The following SMARCC1 variants were observed in gnomAD, a reference collection of about 807,000 sequenced individuals.
SMARCC1 encodes the protein SWI/SNF related BAF chromatin remodeling complex subunit C1.
SMARCC1 carries 43 observed loss-of-function variants against 147.4 expected under a neutral mutation model. The observed-to-expected ratio is 0.29, with a 90% CI of 0.23 to 0.38. SMARCC1 has a LOEUF of 0.38. SMARCC1 is among the 10% of genes least tolerant of loss of function. The pLI is 1.00. For synonymous variants in SMARCC1, 495 were observed against 484.4 expected (o/e 1.02, Z -0.29); for missense variants, 1,119 against 1,381.1 (o/e 0.81, Z 3.01).
intron 16 of SMARCC1, among the ~76,000 whole-genome samples, chr3:47,677,897 T>A (rs1186672203): frequency 6.6e-6 from 1 of 152,018 alleles, no homozygotes; most frequent in African/African-American, 2.4e-5. Flanking sequence ...ATGCCTGCAA[T>A]CACAATACTT....
chr3:47,765,807 A>G (rs1048415669), intron 2 of SMARCC1, among the ~76,000 whole-genome samples: 1 of 150,634 alleles, frequency 6.6e-6, no homozygotes. Context: ...ATCTTGGCTC[A>G]CTGCAACCTC....
intron 26 of SMARCC1, among the ~76,000 whole-genome samples, chr3:47,592,190 G>C (rs1311324260): frequency 1.3e-5 from 2 of 152,148 alleles, no homozygotes; most frequent in African/African-American, 4.8e-5. Context: ...TGAGCCTTCT[G>C]ACCCTTTAGA....
At chr3:47,598,862 G>GACACACACACACAC (rs113400730) in intron 26 of SMARCC1, among the ~76,000 whole-genome samples, 5 of 128,124 alleles carry the variant, frequency 3.9e-5, no homozygotes, top group African/African-American at 1.6e-4. Flanking sequence ...GAGAGAGAGA[G>GACACACACACACAC]ACACACACAC....
chr3:47,658,539 T>G (rs1006907121), intron 21 of SMARCC1, among the ~76,000 whole-genome samples: 2 of 152,244 alleles, frequency 1.3e-5, no homozygotes, highest in African/African-American at 2.4e-5. Flanking sequence ...TTGGCTATTT[T>G]CACTGGCTTT....
intron 19 of SMARCC1, among the ~76,000 whole-genome samples, chr3:47,669,616 A>G (rs543127772): frequency 3.9e-5 from 6 of 152,130 alleles, no homozygotes; most frequent in Non-Finnish European, 7.4e-5. Context: ...TGGGCATATG[A>G]GAATATATTA....
At chr3:47,761,253 G>A (rs1001048841) in intron 2 of SMARCC1, among the ~76,000 whole-genome samples, 3 of 152,034 alleles carry the variant, frequency 2.0e-5, no homozygotes, top group African/African-American at 7.2e-5. Context: ...AGTGAGCTAT[G>A]ACCATACCAC....
rs548781564 is a variant in SMARCC1, at chr3:47,771,648, G to C, written c.315+1169C>G. On this transcript the variant is annotated intron_variant, in intron 2 of 27. Transcript: ENST00000254480. ...AGTCCCAGCTACTCAGGAGGCTGAG[G>C]CAGGAGAATCGCTTGAACCCGGGAG... Among the ~76,000 whole-genome samples the C allele has an allele frequency of 1.8e-4, 27 of 152,232 alleles. No individual in the cohort carries two copies. The South Asian group carries it at 5.6e-3, about 32-fold the overall frequency.
intron 13 of SMARCC1, among the ~76,000 whole-genome samples, chr3:47,686,570 C>T (rs1164851820): frequency 6.6e-6 from 1 of 152,060 alleles, no homozygotes; most frequent in East Asian, 1.9e-4. Context: ...ACTTGATACA[C>T]ATTTTTATTG....
At position 47,675,599 on chromosome 3, in the gene SMARCC1, TA is replaced by T. The variant is rs759413387; in HGVS notation, c.1726-12del. 1 of 1,350,258 alleles carries T rather than the reference TA, an allele frequency of 7.4e-7. No homozygotes were observed. Among genetic ancestry groups the T allele is most frequent in the Admixed American group, 1.7e-5 (1 of 59,532 alleles). 83.6% of individuals were successfully genotyped at this position (1,350,258 alleles called of 1,614,324 possible). On this transcript the variant is annotated splice_polypyrimidine_tract_variant and intron_variant, in intron 17 of 27. Transcript: ENST00000254480. The stretch of plus-strand genomic sequence containing the variant: ...TTGAGCAGCAGGAACCTGAGTCAAA[TA>T]AATGATAAATGGCTGAGTTAGCCTC...
At chr3:47,638,679 G>A in intron 22 of SMARCC1, 46 bp downstream of exon 22, 3 of 1,417,624 alleles carry the variant, frequency 2.1e-6, no homozygotes, top group Non-Finnish European at 3.0e-6. Flanking sequence ...AACCATTATG[G>A]TCTGAAAGGC....
intron 2 of SMARCC1, among the ~76,000 whole-genome samples, chr3:47,746,717 A>C (rs1359283960): frequency 6.8e-6 from 1 of 146,488 alleles, no homozygotes; most frequent in African/African-American, 2.5e-5. Context: ...GCAGTGGCTC[A>C]CATCAGTAAT....
In SMARCC1 at chr3:47,610,102, G is replaced by A; in HGVS notation, c.3007C>T (p.His1003Tyr). Residue 1003 changes from histidine to tyrosine, a missense_variant, in exon 26 of 28, where the codon CAC becomes TAC. Physicochemically the swap from His to Tyr is moderately conservative, Grantham distance 83. Around this residue, in one of 6 missense-constraint regions of SMARCC1, gnomAD observed 186 missense variants for 216.5 expected, o/e 0.86. Coordinates refer to ENST00000254480, the MANE Select transcript of SMARCC1 (RefSeq NM_003074.4). ...HQQPPPYPLM[H>Y]HQMPPPHPPQ... The stretch of plus-strand genomic sequence containing the variant: ...GGATGAGGTGGTGGCATCTGGTGGT[G>A]CATCAGAGGGTAGGGAGGGGGCTGT... The A allele has an allele frequency of 1.2e-6, 2 of 1,613,046 alleles. No individual in the cohort carries two copies. The highest frequency in any genetic ancestry group is 1.7e-6 in the Non-Finnish European group (2 of 1,180,010).
At chr3:47,766,495 A>G (rs1031515879) in intron 2 of SMARCC1, among the ~76,000 whole-genome samples, 3 of 152,052 alleles carry the variant, frequency 2.0e-5, no homozygotes, top group African/African-American at 7.2e-5. Flanking sequence ...CTGAGTCTGG[A>G]AAGTCATGGT....
intron 14 of SMARCC1, among the ~76,000 whole-genome samples, chr3:47,682,587 C>T (rs1278536634): frequency 1.3e-5 from 2 of 152,082 alleles, no homozygotes; most frequent in South Asian, 2.1e-4. Context: ...AAAAGAATGC[C>T]GGTTTCTCAT....
In SMARCC1 at chr3:47,604,422, A is replaced by G. The variant is rs180726364; in HGVS notation, c.3043+5644T>C. The G allele has an allele frequency of 8.0e-4, 314 of 394,346 alleles. 2 individuals carry two copies. Among genetic ancestry groups the G allele is most frequent in the African/African-American group, 5.7e-3 (274 of 47,928 alleles). 24.4% of individuals were successfully genotyped at this position (394,346 alleles called of 1,614,324 possible). Reference sequence around the variant, plus strand: ...TACCAAAGACAGCCAACTGACCCAGATAATCTTCAGCTCCCAATGTAAGCT... The same window carrying G: ...TACCAAAGACAGCCAACTGACCCAGGTAATCTTCAGCTCCCAATGTAAGCT... On this transcript the variant is annotated intron_variant, in intron 26 of 27. Coordinates refer to ENST00000254480, the MANE Select transcript of SMARCC1 (RefSeq NM_003074.4).
chr3:47,590,519 C>T, intron 27 of SMARCC1, 142 bp downstream of exon 27: 1 of 619,216 alleles, frequency 1.6e-6, no homozygotes, highest in Non-Finnish European at 2.6e-6. Context: ...AGACTGAAAA[C>T]TGGTCTTTGA....
chr3:47,615,892 C>A (rs2032635699), intron 25 of SMARCC1, among the ~76,000 whole-genome samples: 1 of 152,130 alleles, frequency 6.6e-6, no homozygotes, highest in South Asian at 2.1e-4. Flanking sequence ...CAATGTTGGC[C>A]AGGCTGGTCT....
intron 5 of SMARCC1, among the ~76,000 whole-genome samples, chr3:47,733,554 A>G (rs1405884645): frequency 2.0e-5 from 3 of 151,944 alleles, no homozygotes; most frequent in Non-Finnish European, 4.4e-5. Flanking sequence ...CAGCCTTTCC[A>G]ATATGGTGAA....
chr3:47,685,279 A>G (rs903949212), intron 14 of SMARCC1, among the ~76,000 whole-genome samples: 1 of 152,214 alleles, frequency 6.6e-6, no homozygotes, highest in Non-Finnish European at 1.5e-5. Context: ...TACTCCTGGC[A>G]TGAAACTGCA....
Sources: gnomAD v4.1 joint callset for allele counts (sites outside exome capture counted in the v4.1 genomes callset) on GRCh38, gnomAD v4.1.1 for gene constraint, gnomAD v4.1.1 regional missense constraint, MANE v1.5 for transcripts, NCBI Gene and HGNC (gene_info 2026-07-23, HGNC 2026-07-21) for gene names.